The following NVL variants were observed in gnomAD, a reference collection of about 807,000 sequenced individuals.
NVL encodes nuclear valosin-containing protein-like.
In NVL, 84 loss-of-function variants were observed where a neutral mutation model predicts 110.2. The observed-to-expected ratio is 0.76, with a 90% CI of 0.64 to 0.91. The LOEUF is 0.91. NVL is among the 40% of genes least tolerant of loss of function. The pLI is 0.00. For synonymous variants in NVL, 354 were observed against 361.1 expected (o/e 0.98, Z 0.22); for missense variants, 882 against 1,035.9 (o/e 0.85, Z 2.04).
chr1:224,279,425 T>C (rs1666100238), intron 16 of NVL, among the ~76,000 whole-genome samples: 1 of 152,092 alleles, frequency 6.6e-6, no homozygotes, highest in Admixed American at 6.6e-5. Context: ...CCTGTCTCTC[T>C]CTCAAAAAAC....
At chr1:224,282,514 G>A (rs987480219) in intron 15 of NVL, among the ~76,000 whole-genome samples, 1 of 152,158 alleles carries the variant, frequency 6.6e-6, no homozygotes, top group Non-Finnish European at 1.5e-5. Flanking sequence ...CAGTCTTTAC[G>A]AAGAGTCAGT....
At chr1:224,278,347 C>T (rs997059395) in intron 16 of NVL, among the ~76,000 whole-genome samples, 1 of 151,482 alleles carries the variant, frequency 6.6e-6, no homozygotes, top group Non-Finnish European at 1.5e-5. Context: ...ATTCTCCTGC[C>T]TCAGCTTCCT....
At chr1:224,253,754 GA>G (rs1269824671) in intron 18 of NVL, among the ~76,000 whole-genome samples, 1 of 132,148 alleles carries the variant, frequency 7.6e-6, no homozygotes, top group Non-Finnish European at 1.7e-5. Flanking sequence ...AAAAAGAAAA[GA>G]AAAAAAGAAA....
chr1:224,270,539 C>T (rs753154583), intron 17 of NVL, among the ~76,000 whole-genome samples: 2 of 152,068 alleles, frequency 1.3e-5, no homozygotes, highest in Non-Finnish European at 2.9e-5. Context: ...GCCTGGGCGA[C>T]GGAGTGAGAC....
At position 224,294,286 on chromosome 1, in the gene NVL, C is replaced by T; in HGVS notation, c.1306G>A (p.Asp436Asn). 1 of 1,614,152 alleles carries T rather than the reference C, an allele frequency of 6.2e-7. No individual in the cohort carries two copies. Among genetic ancestry groups the T allele is most frequent in the South Asian group, 1.1e-5 (1 of 91,070 alleles). The change falls in exon 12 of 23, where the codon GAT becomes AAT. Residue 436 changes from aspartate (D) to asparagine (N), a missense_variant. Physicochemically the swap from Asp to Asn is conservative, Grantham distance 23. This residue lies in a region of NVL where 416 missense variants were observed against 499.3 expected (regional missense o/e 0.83). Coordinates refer to ENST00000281701, the MANE Select transcript of NVL (RefSeq NM_002533.4). Reference protein sequence around the residue: ...FDREICLGIPDEASRERILQT... With the variant: ...FDREICLGIPNEASRERILQT... Reference sequence around the variant, plus strand: ...ATATACCTTTCCCTGGATGCTTCATCTGGGATACCTAGGCATATTTCTCGG... The same window carrying T: ...ATATACCTTTCCCTGGATGCTTCATTTGGGATACCTAGGCATATTTCTCGG...
chr1:224,309,316 C>T (rs1469762409), intron 5 of NVL, among the ~76,000 whole-genome samples: 1 of 151,964 alleles, frequency 6.6e-6, no homozygotes, highest in Non-Finnish European at 1.5e-5. Flanking sequence ...GCCTAGAGTT[C>T]GAGACCATCC....
intron 19 of NVL, among the ~76,000 whole-genome samples, chr1:224,246,203 G>A (rs1462282035): frequency 1.3e-5 from 2 of 151,908 alleles, no homozygotes; most frequent in Non-Finnish European, 2.9e-5. Context: ...GCTAATCTTT[G>A]TATTTTTGTA....
At chr1:224,246,434 A>T (rs1214694581) in intron 19 of NVL, among the ~76,000 whole-genome samples, 1 of 152,242 alleles carries the variant, frequency 6.6e-6, no homozygotes, top group Non-Finnish European at 1.5e-5. Context: ...TTCTGGTGTG[A>T]GTACCATACA....
chr1:224,254,744 G>A (rs922658464), intron 18 of NVL, among the ~76,000 whole-genome samples: 2 of 151,088 alleles, frequency 1.3e-5, no homozygotes, highest in African/African-American at 2.4e-5. Flanking sequence ...TGTATACATT[G>A]TGGAATGGCC....
At chr1:224,230,954 A>G (rs1335268530) in intron 22 of NVL, among the ~76,000 whole-genome samples, 1 of 152,010 alleles carries the variant, frequency 6.6e-6, no homozygotes, top group Non-Finnish European at 1.5e-5. Context: ...TAACATGGTG[A>G]AACCCCGTCT....
rs150968844 is a variant in NVL, at chr1:224,322,670, A to G, written c.131+3721T>C. The stretch of plus-strand genomic sequence containing the variant: ...AGTGACTGCTGTTAGAAATATGGAC[A>G]CCGCAGGGCGTGGTGGCTCATGCCT... On this transcript the variant is annotated intron_variant, in intron 2 of 22. Transcript: ENST00000281701. Among the ~76,000 whole-genome samples the G allele has an allele frequency of 6.1e-4, 93 of 152,184 alleles. 1 individual carries two copies. The East Asian group carries it at 0.014, about 23-fold the overall frequency.
intron 18 of NVL, among the ~76,000 whole-genome samples, chr1:224,267,634 C>A (rs1328063664): frequency 1.3e-5 from 2 of 150,784 alleles, no homozygotes; most frequent in Admixed American, 1.3e-4. Flanking sequence ...TTGCAGTGAG[C>A]CAAGGTCATG....
rs1270632254 is a variant in NVL, at chr1:224,296,617, G to T, written c.1064C>A (p.Ser355Ter). 2 of 1,553,216 alleles carry T rather than the reference G, an allele frequency of 1.3e-6. No individual in the cohort carries two copies. The highest frequency in any genetic ancestry group is 1.2e-5 in the South Asian group (1 of 85,372). Residue 355 changes from serine to a stop codon, truncating the protein, a stop_gained and splice_region_variant, in exon 11 of 23, where the codon TCA becomes TAA. Coordinates refer to ENST00000281701, the MANE Select transcript of NVL (RefSeq NM_002533.4). LOFTEE classifies it high-confidence loss of function. ...AATGAAAATGATACATGGTGCATTT[G>T]ACTAGAAATAAAAATATCACAAAAA... Reference protein sequence around the residue: ...KLRELFEQAVSNAPCIIFIDE... With the variant: ...KLRELFEQAV
rs1003745185 is a variant in NVL at position 224,275,428 on chromosome 1, G to C, written c.1993C>G (p.Gln665Glu). ...YVGESERAVR[Q>E]VFQRAKNSAP... ...GAGTTCTTGGCTCGTTGAAAAACTT[G>C]TCGCACAGCACGTTCACTCTCACCA... Residue 665 changes from glutamine to glutamate, a missense_variant, in exon 17 of 23, where the codon CAA becomes GAA. Transcript: ENST00000281701. 1.2e-6 allele frequency: 2 copies of C among 1,613,998 alleles called. No individual in the cohort carries two copies. Among genetic ancestry groups the C allele is most frequent in the African/African-American group, 2.7e-5 (2 of 74,896 alleles).
intron 15 of NVL, among the ~76,000 whole-genome samples, chr1:224,285,336 G>A (rs527821684): frequency 9.8e-5 from 15 of 152,294 alleles, no homozygotes; most frequent in African/African-American, 3.6e-4. Flanking sequence ...TCGGGAGGCT[G>A]AGGCAAGAGA....
chr1:224,263,221 C>T (rs1373208986), intron 18 of NVL, among the ~76,000 whole-genome samples: 1 of 152,140 alleles, frequency 6.6e-6, no homozygotes, highest in Non-Finnish European at 1.5e-5. Flanking sequence ...GTCAAAATTA[C>T]AACTGGAGAT....
At chr1:224,323,201 G>T (rs1403669910) in intron 2 of NVL, among the ~76,000 whole-genome samples, 1 of 152,172 alleles carries the variant, frequency 6.6e-6, no homozygotes, top group Non-Finnish European at 1.5e-5. Context: ...AGTAGAACTT[G>T]TAAGTGATGA....
intron 16 of NVL, among the ~76,000 whole-genome samples, chr1:224,279,422 C>G (rs1453678091): frequency 1.3e-5 from 2 of 152,150 alleles, no homozygotes; most frequent in Non-Finnish European, 2.9e-5. Flanking sequence ...GACCCTGTCT[C>G]TCTCTCAAAA....
At chr1:224,304,585 C>T in intron 8 of NVL, 151 bp downstream of exon 8, 1 of 634,498 alleles carries the variant, frequency 1.6e-6, no homozygotes, top group Non-Finnish European at 2.8e-6. Context: ...TCCTGCAATG[C>T]CCTAAAGGGT....
Sources: allele counts gnomAD v4.1 joint callset (sites outside exome capture counted in the v4.1 genomes callset), GRCh38; gene constraint gnomAD v4.1.1; regional missense constraint gnomAD v4.1.1; transcripts MANE v1.5; gene names NCBI Gene and HGNC (gene_info 2026-07-23, HGNC 2026-07-21).